DISP1: variants seen among roughly 807,000 people sequenced by gnomAD.
DISP1 encodes the protein dispatched RND transporter family member 1.
Under a neutral mutation model 37.3 loss-of-function variants are expected in DISP1, and 30 were observed. That is an observed-to-expected ratio of 0.80 (90% CI 0.60 to 1.09). DISP1 has a LOEUF of 1.09. Among genes scored for constraint, DISP1 ranks in the 50% least tolerant of loss-of-function variants. DISP1 has a pLI of 0.00. For synonymous variants in DISP1, 634 were observed against 690.2 expected, an observed-to-expected ratio of 0.92 and a Z score of 1.28; for missense variants, 1,598 against 1,879.5, an observed-to-expected ratio of 0.85 and a Z score of 2.77.
intron 1 of DISP1, among the ~76,000 whole-genome samples, chr1:222,896,342 T>A (rs1671256227): frequency 6.6e-6 from 1 of 151,716 alleles, no homozygotes; most frequent in African/African-American, 2.4e-5. Context: ...GGCTCATGCC[T>A]GTAATCCCAG....
At chr1:222,882,947 A>G (rs943465866) in intron 1 of DISP1, among the ~76,000 whole-genome samples, 6 of 152,186 alleles carry the variant, frequency 3.9e-5, no homozygotes, top group African/African-American at 1.4e-4. Flanking sequence ...GAGATCTGTT[A>G]CATGTAAATT....
intron 7 of DISP1, 110 bp downstream of exon 7, chr1:222,992,220 CTG>C: frequency 1.1e-6 from 1 of 897,192 alleles, no homozygotes; most frequent in East Asian, 2.6e-5. Context: ...CACAGCTTCA[CTG>C]TTGCTGTTGA....
chr1:222,884,015 C>T (rs950179841), intron 1 of DISP1, among the ~76,000 whole-genome samples: 1 of 152,136 alleles, frequency 6.6e-6, no homozygotes, highest in Non-Finnish European at 1.5e-5. Flanking sequence ...GAGTGCCTGT[C>T]CTATAATTGA....
intron 1 of DISP1, among the ~76,000 whole-genome samples, chr1:222,853,361 T>C (rs553600391): frequency 2.0e-5 from 3 of 152,304 alleles, no homozygotes; most frequent in East Asian, 3.9e-4. Flanking sequence ...GAACTATAAA[T>C]AGTACTACCA....
chr1:222,945,141 G>A (rs960687210), intron 3 of DISP1, among the ~76,000 whole-genome samples: 2 of 152,210 alleles, frequency 1.3e-5, no homozygotes, highest in South Asian at 2.1e-4. Context: ...GAAGGGAAAC[G>A]TGGTAATAAA....
intron 1 of DISP1, among the ~76,000 whole-genome samples, chr1:222,828,230 G>C (rs1664890630): frequency 6.6e-6 from 1 of 152,004 alleles, no homozygotes; most frequent in South Asian, 2.1e-4. Context: ...AATTCTTTCT[G>C]CCATATCATA....
chr1:222,944,477 C>T (rs1297604326), intron 3 of DISP1, among the ~76,000 whole-genome samples: 2 of 152,110 alleles, frequency 1.3e-5, no homozygotes, highest in East Asian at 3.9e-4. Flanking sequence ...AGAGCATTCT[C>T]TTTAAAATTA....
At chr1:222,970,540 G>A (rs1230600480) in intron 3 of DISP1, among the ~76,000 whole-genome samples, 1 of 152,152 alleles carries the variant, frequency 6.6e-6, no homozygotes, top group Admixed American at 6.6e-5. Flanking sequence ...CCATGCCAGA[G>A]TGTTGAAATA....
In DISP1 at chr1:222,883,444, C is replaced by T. The variant is rs184914928; in HGVS notation, c.-158-44986C>T. On this transcript the variant is annotated intron_variant, in intron 1 of 8. Transcript: ENST00000675850. The stretch of plus-strand genomic sequence containing the variant: ...ACCAGCCTGGCCAACATGGTAAAAC[C>T]GCGTCGCTACTAAAAATACAAAAAT... 2.7e-3 allele frequency among the ~76,000 whole-genome samples: 414 copies of T among 152,154 alleles called. 1 individual carries two copies. Among genetic ancestry groups the T allele is most frequent in the Middle Eastern group, 0.017 (5 of 294 alleles).
chr1:222,902,753 A>G (rs1484075157), intron 1 of DISP1, among the ~76,000 whole-genome samples: 1 of 152,174 alleles, frequency 6.6e-6, no homozygotes, highest in Non-Finnish European at 1.5e-5. Flanking sequence ...ACGATAAGAT[A>G]CCATCTCACA....
At chr1:222,881,019 C>T (rs1231422065) in intron 1 of DISP1, among the ~76,000 whole-genome samples, 3 of 152,156 alleles carry the variant, frequency 2.0e-5, no homozygotes, top group Non-Finnish European at 4.4e-5. Context: ...TGTGATTGCA[C>T]CATTGTACTA....
At chr1:222,876,530 G>T (rs537100523) in intron 1 of DISP1, among the ~76,000 whole-genome samples, 2 of 152,156 alleles carry the variant, frequency 1.3e-5, no homozygotes, top group South Asian at 2.1e-4. Context: ...CATCGAAAAA[G>T]AAGAGGTAAA....
At chr1:222,862,686 C>G (rs191959251) in intron 1 of DISP1, among the ~76,000 whole-genome samples, 1 of 152,058 alleles carries the variant, frequency 6.6e-6, no homozygotes, top group African/African-American at 2.4e-5. Context: ...GTATGTGCCA[C>G]CACGCTTGGG....
At chr1:222,994,434 G>A (rs987498775) in intron 7 of DISP1, among the ~76,000 whole-genome samples, 8 of 152,120 alleles carry the variant, frequency 5.3e-5, no homozygotes, top group African/African-American at 1.9e-4. Context: ...TGTTTTTAGC[G>A]ATTTTAAATA....
chr1:222,892,559 G>GTT (rs1436427624), intron 1 of DISP1, among the ~76,000 whole-genome samples: 1 of 152,176 alleles, frequency 6.6e-6, no homozygotes, highest in African/African-American at 2.4e-5. Context: ...AGATCTGAAT[G>GTT]TTACGTTACT....
chr1:222,974,737 T>C (rs1436677582), intron 3 of DISP1, among the ~76,000 whole-genome samples: 1 of 152,144 alleles, frequency 6.6e-6, no homozygotes, highest in East Asian at 1.9e-4. Flanking sequence ...GAAAAATGGG[T>C]TAGAGGCCAA....
At chr1:222,913,616 A>C (rs1275716135) in intron 1 of DISP1, among the ~76,000 whole-genome samples, 1 of 152,098 alleles carries the variant, frequency 6.6e-6, no homozygotes, top group Non-Finnish European at 1.5e-5. Flanking sequence ...TCAGTAAAGG[A>C]GTAGATAAGG....
At chr1:222,835,368 G>GT (rs1666788043) in intron 1 of DISP1, among the ~76,000 whole-genome samples, 1 of 152,016 alleles carries the variant, frequency 6.6e-6, no homozygotes, top group Non-Finnish European at 1.5e-5. Context: ...CCGTATTGGA[G>GT]TTTTTTTCTT....
At chr1:222,993,094 G>T (rs953255779) in intron 7 of DISP1, among the ~76,000 whole-genome samples, 9 of 151,898 alleles carry the variant, frequency 5.9e-5, no homozygotes, top group African/African-American at 1.9e-4. Context: ...TCGAACTCCC[G>T]AACTTAGGTG....
Sources: allele counts gnomAD v4.1 joint callset (sites outside exome capture counted in the v4.1 genomes callset), GRCh38; gene constraint gnomAD v4.1.1; transcripts MANE v1.5; gene names NCBI Gene and HGNC (gene_info 2026-07-23, HGNC 2026-07-21).